Variants in LARGE1 observed in about 807,000 individuals in gnomAD.
LARGE1 encodes xylosyl- and glucuronyltransferase LARGE1.
A neutral mutation model predicts 87.6 loss-of-function variants in LARGE1; 43 were observed. The ratio of observed to expected loss-of-function variants is 0.49; its 90% CI spans 0.38 to 0.63. The LOEUF is 0.63. LARGE1 is among the 30% of genes least tolerant of loss of function. The pLI is 0.00. For synonymous variants in LARGE1, 434 were observed against 394.6 expected, an observed-to-expected ratio of 1.10 and a Z score of -1.18; for missense variants, 802 against 1,000.2, an observed-to-expected ratio of 0.80 and a Z score of 2.67.
chr22:33,581,673 G>T (rs1248346692), intron 5 of LARGE1, among the ~76,000 whole-genome samples: 1 of 151,960 alleles, frequency 6.6e-6, no homozygotes, highest in Admixed American at 6.6e-5. Flanking sequence ...TTAGCCGGGG[G>T]TGGTGGCACG....
At chr22:33,133,461 A>G in the LARGE1 span, among the ~76,000 whole-genome samples, 1 of 152,156 alleles carries the variant, frequency 6.6e-6, no homozygotes, top group Non-Finnish European at 1.5e-5. Context: ...CAGTTTCCTG[A>G]GAATGATGGT....
intron 11 of LARGE1, among the ~76,000 whole-genome samples, chr22:33,253,594 C>A (rs896544348): frequency 1.3e-5 from 2 of 152,348 alleles, no homozygotes; most frequent in East Asian, 1.9e-4. Flanking sequence ...CGCCTATAAT[C>A]TCAGCTACTC....
intron 5 of LARGE1, among the ~76,000 whole-genome samples, chr22:33,603,756 A>G (rs2079171874): frequency 6.6e-6 from 1 of 152,226 alleles, no homozygotes. Flanking sequence ...TAGAATCAAG[A>G]GCCAGAATAT....
the LARGE1 span, among the ~76,000 whole-genome samples, chr22:33,131,481 T>C: frequency 6.6e-6 from 1 of 152,198 alleles, no homozygotes; most frequent in Non-Finnish European, 1.5e-5. Flanking sequence ...TACCCGAGAC[T>C]GAGTCATTTA....
At chr22:33,230,160 C>T (rs1222299012) in intron 11 of LARGE1, among the ~76,000 whole-genome samples, 1 of 151,798 alleles carries the variant, frequency 6.6e-6, no homozygotes, top group Non-Finnish European at 1.5e-5. Flanking sequence ...TACAGGAGTG[C>T]ACCACCACGC....
intron 2 of LARGE1, among the ~76,000 whole-genome samples, chr22:33,696,463 A>G (rs934298067): frequency 6.6e-6 from 1 of 151,856 alleles, no homozygotes. Flanking sequence ...AGGTTTCACT[A>G]CGTGGGCCTG....
In LARGE1 at chr22:33,406,689, T is replaced by C. The variant is rs184574292; in HGVS notation, c.893-22385A>G. Among the ~76,000 whole-genome samples the C allele has an allele frequency of 1.2e-4, 18 of 152,310 alleles. No homozygotes were observed. The East Asian group carries it at 2.3e-3, about 20-fold the overall frequency. On this transcript the variant is annotated intron_variant, in intron 7 of 14. Coordinates refer to ENST00000397394, the MANE Select transcript of LARGE1 (RefSeq NM_133642.5). Reference sequence around the variant, plus strand: ...TGGCATGCCCAGGGCTGTGTGGTGGTGTGTGGAGGAGTGGAATTTGGGGCC... The same window carrying C: ...TGGCATGCCCAGGGCTGTGTGGTGGCGTGTGGAGGAGTGGAATTTGGGGCC...
the LARGE1 span, among the ~76,000 whole-genome samples, chr22:33,070,050 G>A: frequency 1.4e-4 from 21 of 152,090 alleles, no homozygotes; most frequent in African/African-American, 4.6e-4. Flanking sequence ...TCGAACTCCC[G>A]ACCTCAGGTG....
intron 1 of LARGE1, among the ~76,000 whole-genome samples, chr22:33,857,895 G>C (rs2063799857): frequency 6.6e-6 from 1 of 152,168 alleles, no homozygotes; most frequent in African/African-American, 2.4e-5. Flanking sequence ...TTGTTACCGG[G>C]GTTCCTTGCT....
chr22:33,198,656 C>CAT (rs903009852), intron 11 of LARGE1, among the ~76,000 whole-genome samples: 1 of 146,588 alleles, frequency 6.8e-6, no homozygotes, highest in African/African-American at 2.7e-5. Flanking sequence ...CACACACACA[C>CAT]ACACACACAC....
chr22:33,516,099 G>A lies in LARGE1; in HGVS notation c.787+48749C>T, dbSNP rs150821541. ...TTGTTGCAGAGGATGCAGGGAGGGT[G>A]TGAGGGATGCTGTTTGAGAGAAGAC... On this transcript the variant is annotated intron_variant, in intron 6 of 14. Transcript: ENST00000397394. Among the ~76,000 whole-genome samples, 490 of 152,354 alleles carry A rather than the reference G, an allele frequency of 3.2e-3. 2 individuals carry two copies. Among genetic ancestry groups the A allele is most frequent in the African/African-American group, 0.011 (473 of 41,580 alleles).
intron 6 of LARGE1, among the ~76,000 whole-genome samples, chr22:33,533,124 G>A (rs1483887026): frequency 6.6e-6 from 1 of 152,154 alleles, no homozygotes; most frequent in Non-Finnish European, 1.5e-5. Flanking sequence ...GAGCATCCTG[G>A]GCTGAGTGAC....
At chr22:33,496,154 C>T (rs1378347260) in intron 6 of LARGE1, among the ~76,000 whole-genome samples, 2 of 152,142 alleles carry the variant, frequency 1.3e-5, no homozygotes, top group African/African-American at 4.8e-5. Flanking sequence ...GGCCAGAAGA[C>T]TAAACTAGTC....
chr22:33,138,450 A>ATT, the LARGE1 span, among the ~76,000 whole-genome samples: 135 of 148,400 alleles, frequency 9.1e-4, no homozygotes, highest in South Asian at 1.3e-3. Flanking sequence ...TTATTTTTTC[A>ATT]TTTTTTTTTT....
chr22:33,489,725 A>T (rs1321844441), intron 6 of LARGE1, among the ~76,000 whole-genome samples: 2 of 151,916 alleles, frequency 1.3e-5, no homozygotes, highest in Admixed American at 6.6e-5. Flanking sequence ...TAAACTACCC[A>T]GTCTCGGGTG....
intron 6 of LARGE1, among the ~76,000 whole-genome samples, chr22:33,556,127 T>C (rs376377459): frequency 3.9e-4 from 60 of 152,118 alleles, no homozygotes; most frequent in African/African-American, 1.3e-3. Flanking sequence ...ATGCTTTCCC[T>C]AAAATGTGAT....
chr22:33,445,189 G>C (rs1395856103), intron 6 of LARGE1, among the ~76,000 whole-genome samples: 1 of 152,134 alleles, frequency 6.6e-6, no homozygotes, highest in Non-Finnish European at 1.5e-5. Flanking sequence ...TCATGTCTTA[G>C]CTTTACCTTA....
chr22:33,627,132 G>A (rs570642229), intron 3 of LARGE1, among the ~76,000 whole-genome samples: 2 of 152,334 alleles, frequency 1.3e-5, no homozygotes, highest in East Asian at 1.9e-4. Context: ...AGTGTGCCAC[G>A]ATTGAATTAC....
At chr22:33,869,891 A>C (rs738967) in intron 1 of LARGE1, among the ~76,000 whole-genome samples, 129,616 of 152,208 alleles carry the variant, frequency 0.85, 55,400 homozygotes, top group African/African-American at 0.92. Context: ...TAAAAACAGA[A>C]ACCGCTGATG....
Sources: allele counts gnomAD v4.1 joint callset (sites outside exome capture counted in the v4.1 genomes callset), GRCh38; gene constraint gnomAD v4.1.1; transcripts MANE v1.5; gene names NCBI Gene and HGNC (gene_info 2026-07-23, HGNC 2026-07-21).